SLC25A16: variants seen among roughly 807,000 people sequenced by gnomAD.
SLC25A16 encodes the protein mitochondrial coenzyme A transporter SLC25A16.
A neutral mutation model predicts 41.5 loss-of-function variants in SLC25A16; 39 were observed. That is an observed-to-expected ratio of 0.94 (90% CI 0.73 to 1.23). The LOEUF (loss-of-function observed/expected upper bound fraction) is 1.23, where lower values mean the gene tolerates loss of function less well. SLC25A16 is among the 50% of genes most tolerant of loss of function. The pLI is 0.00. For synonymous variants in SLC25A16, 146 were observed against 147.8 expected (o/e 0.99, Z 0.09); for missense variants, 421 against 426.9 (o/e 0.99, Z 0.12).
intron 1 of SLC25A16, among the ~76,000 whole-genome samples, chr10:68,523,229 A>T (rs751529877): frequency 6.6e-6 from 1 of 151,986 alleles, no homozygotes; most frequent in Non-Finnish European, 1.5e-5. Flanking sequence ...AGCTGGGACT[A>T]CAACAGGTGG....
intron 8 of SLC25A16, among the ~76,000 whole-genome samples, chr10:68,486,199 CA>C (rs2133485338): frequency 9.4e-6 from 1 of 105,946 alleles, no homozygotes; most frequent in East Asian, 2.7e-4. Context: ...GCCTGGGGGA[CA>C]AGAGTGAGAC....
intron 1 of SLC25A16, among the ~76,000 whole-genome samples, chr10:68,522,069 G>A (rs1269251417): frequency 4.6e-5 from 7 of 151,780 alleles, no homozygotes; most frequent in South Asian, 4.2e-4. Flanking sequence ...AGGTTGAGGC[G>A]GTAAAATCGC....
chr10:68,525,622 A>G (rs1189984724), intron 1 of SLC25A16, among the ~76,000 whole-genome samples: 2 of 152,058 alleles, frequency 1.3e-5, no homozygotes, highest in East Asian at 1.9e-4. Context: ...CACAACTTCA[A>G]TGTGGAATTT....
In SLC25A16 at chr10:68,516,801, T is replaced by G. The variant is rs1469806194; in HGVS notation, c.173A>C (p.Asp58Ala). The change falls in exon 2 of 9, where the codon GAT becomes GCT. Residue 58 changes from aspartate (D) to alanine (A), a missense_variant. Asp to Ala is a moderately radical substitution (Grantham distance 126). Transcript: ENST00000609923. ...CCAKTTVAPL[D>A]RVKVLLQAHN... Reference sequence around the variant, plus strand: ...AGCTTGTAATAAAACCTTTACTCGATCCAATGGAGCAACTGTTGTTTTGGC... The same window carrying G: ...AGCTTGTAATAAAACCTTTACTCGAGCCAATGGAGCAACTGTTGTTTTGGC... 6 of 1,613,438 alleles carry G rather than the reference T, an allele frequency of 3.7e-6. No homozygotes were observed. Among genetic ancestry groups the G allele is most frequent in the Admixed American group, 1.7e-5 (1 of 59,906 alleles).
chr10:68,500,091 G>T, intron 4 of SLC25A16: 1 of 189,596 alleles, frequency 5.3e-6, no homozygotes, highest in Non-Finnish European at 1.1e-5. Context: ...TTGGATTATA[G>T]TTGTAGGACG....
At chr10:68,507,901 C>G (rs1205947858) in intron 2 of SLC25A16, among the ~76,000 whole-genome samples, 1 of 152,032 alleles carries the variant, frequency 6.6e-6, no homozygotes, top group Non-Finnish European at 1.5e-5. Flanking sequence ...AAGATATATC[C>G]CAAAAGCAGA....
At chr10:68,501,574 G>C (rs2052846235) in intron 4 of SLC25A16, among the ~76,000 whole-genome samples, 1 of 150,934 alleles carries the variant, frequency 6.6e-6, no homozygotes, top group Non-Finnish European at 1.5e-5. Context: ...GGAGAGGAGG[G>C]GAGGGAAGAG....
rs923079820 is a variant in SLC25A16, at chr10:68,482,046, C to G, written c.*1386G>C. ...TGGCTAACACGGTGAAATCCCGTCT[C>G]TACTAAAAATACAAAAATTAGCCAG... On this transcript the variant is annotated 3_prime_UTR_variant, in exon 9 of 9. Transcript: ENST00000609923. 6.6e-6 allele frequency: 1 copy of G among 152,170 alleles called. No homozygotes were observed. The highest frequency in any genetic ancestry group is 1.5e-5 in the Non-Finnish European group (1 of 68,076). 9.4% of individuals were successfully genotyped at this position (152,170 alleles called of 1,614,324 possible).
chr10:68,478,107 A>C lies in SLC25A16; in HGVS notation c.*5325T>G. The C allele has an allele frequency of 6.6e-6, 1 of 152,244 alleles. No homozygotes were observed. 9.4% of individuals were successfully genotyped at this position (152,244 alleles called of 1,614,324 possible). A position where few individuals can be genotyped will look rare whatever the true frequency, so the allele number is the denominator to read the frequency against. ...AAAGTATAGCATCATAGCTAAAAGA[A>C]TAGGCTCTAGATTCAGACCGGCTGA... On this transcript the variant is annotated 3_prime_UTR_variant, in exon 9 of 9. Coordinates refer to ENST00000609923, the MANE Select transcript of SLC25A16 (RefSeq NM_152707.4).
intron 1 of SLC25A16, among the ~76,000 whole-genome samples, chr10:68,520,932 G>C (rs1018514899): frequency 6.6e-6 from 1 of 151,262 alleles, no homozygotes; most frequent in African/African-American, 2.4e-5. Context: ...TCAGGAGATC[G>C]AGACCATCCT....
intron 7 of SLC25A16, 77 bp from the exon 8 acceptor site, chr10:68,487,289 A>G: frequency 1.0e-6 from 1 of 993,988 alleles, no homozygotes; most frequent in Non-Finnish European, 1.6e-6. Flanking sequence ...AAAGCCCTAT[A>G]AATTCAAAGA....
At position 68,483,283 on chromosome 10, in the gene SLC25A16, CT is replaced by C; in HGVS notation, c.*148del. 1.8e-6 allele frequency: 1 copy of C among 568,034 alleles called. No individual in the cohort carries two copies. Among genetic ancestry groups the C allele is most frequent in the Non-Finnish European group, 3.1e-6 (1 of 327,476 alleles). 35.2% of individuals were successfully genotyped at this position (568,034 alleles called of 1,614,324 possible). A position where few individuals can be genotyped will look rare whatever the true frequency, so the allele number is the denominator to read the frequency against. Reference sequence around the variant, plus strand: ...TATGGTAAGCAGTTCTGATTTGTGACTAAAGAAAAAATAATCAAGTACTAAA... The same window carrying C: ...TATGGTAAGCAGTTCTGATTTGTGACAAAGAAAAAATAATCAAGTACTAAA... On this transcript the variant is annotated 3_prime_UTR_variant, in exon 9 of 9. Transcript: ENST00000609923.
intron 4 of SLC25A16, among the ~76,000 whole-genome samples, chr10:68,500,839 A>G (rs1467178012): frequency 6.6e-6 from 1 of 151,458 alleles, no homozygotes; most frequent in Non-Finnish European, 1.5e-5. Context: ...GCTGAGGCAG[A>G]AGAATCTCAT....
chr10:68,488,211 G>C (rs994824150), intron 7 of SLC25A16, among the ~76,000 whole-genome samples: 12 of 151,950 alleles, frequency 7.9e-5, no homozygotes, highest in African/African-American at 2.9e-4. Flanking sequence ...TCAAACTCCT[G>C]GGCTCAAGCA....
At chr10:68,504,438 T>G (rs530858719) in intron 3 of SLC25A16, among the ~76,000 whole-genome samples, 2 of 138,642 alleles carry the variant, frequency 1.4e-5, no homozygotes, top group Admixed American at 7.9e-5. Flanking sequence ...CTTGTGTTTT[T>G]TTTGTTTTTT....
chr10:68,509,089 G>A (rs1363394477), intron 2 of SLC25A16, among the ~76,000 whole-genome samples: 3 of 152,094 alleles, frequency 2.0e-5, no homozygotes, highest in Middle Eastern at 3.2e-3. Context: ...TTTATTCCTA[G>A]CACTTTGGGA....
At position 68,488,635 on chromosome 10, in the gene SLC25A16, A is replaced by G. The variant is rs771703445; in HGVS notation, c.611-6T>C. ...AAAAGTAAAAAATGAAACACCTGAAAAACAAAAAATAAATTCACCATGATG... is the reference window on the plus strand; with the variant it reads ...AAAAGTAAAAAATGAAACACCTGAAGAACAAAAAATAAATTCACCATGATG... On this transcript the variant is annotated splice_region_variant and splice_polypyrimidine_tract_variant and intron_variant, in intron 6 of 8. Transcript: ENST00000609923. 2 of 1,611,228 alleles carry G rather than the reference A, an allele frequency of 1.2e-6. No homozygotes were observed. The highest frequency in any genetic ancestry group is 1.1e-5 in the South Asian group (1 of 90,690).
intron 1 of SLC25A16, among the ~76,000 whole-genome samples, chr10:68,522,271 A>G (rs1309952452): frequency 6.6e-6 from 1 of 152,204 alleles, no homozygotes; most frequent in Non-Finnish European, 1.5e-5. Flanking sequence ...TCAAAAGGCT[A>G]CATACTATAT....
At chr10:68,508,245 A>G (rs1405123456) in intron 2 of SLC25A16, among the ~76,000 whole-genome samples, 1 of 152,044 alleles carries the variant, frequency 6.6e-6, no homozygotes, top group Non-Finnish European at 1.5e-5. Flanking sequence ...TGCTTGTTTG[A>G]ACAAAAATTA....
Sources: gnomAD v4.1 joint callset for allele counts (sites outside exome capture counted in the v4.1 genomes callset) on GRCh38, gnomAD v4.1.1 for gene constraint, MANE v1.5 for transcripts, NCBI Gene and HGNC (gene_info 2026-07-23, HGNC 2026-07-21) for gene names.